Variants in AGRN observed in about 807,000 individuals in gnomAD.
AGRN encodes the protein agrin.
Under a neutral mutation model 211.0 loss-of-function variants are expected in AGRN, and 106 were observed. The ratio of observed to expected loss-of-function variants is 0.50; its 90% CI spans 0.43 to 0.59. The LOEUF is 0.59. Among genes scored for constraint, AGRN ranks in the 20% least tolerant of loss-of-function variants. The pLI is 0.00. For synonymous variants in AGRN, 1,525 were observed against 1,332.5 expected (o/e 1.14, Z -3.15); for missense variants, 3,040 against 2,982.6 (o/e 1.02, Z -0.45).
At chr1:1,036,340 C>T (rs1644804972) in intron 3 of AGRN, among the ~76,000 whole-genome samples, 1 of 152,088 alleles carries the variant, frequency 6.6e-6, no homozygotes, top group Admixed American at 6.5e-5. Context: ...GCTTGGGATG[C>T]TCAGTGGTCT....
chr1:1,043,483 G>T lies in AGRN; in HGVS notation c.1603+26G>T, dbSNP rs765216455. On this transcript the variant is annotated intron_variant, in intron 8 of 35. Coordinates refer to ENST00000379370, the MANE Select transcript of AGRN (RefSeq NM_198576.4). Reference sequence around the variant, plus strand: ...GTCAGTGGCGGGTGAGGGGTCTGGTGGGGGTCGGGGAGAGAGAGGTTCCTG... The same window carrying T: ...GTCAGTGGCGGGTGAGGGGTCTGGTTGGGGTCGGGGAGAGAGAGGTTCCTG... 7 of 1,599,302 alleles carry T rather than the reference G, an allele frequency of 4.4e-6. No individual in the cohort carries two copies. The African/African-American group carries it at 6.7e-5, about 15-fold the overall frequency.
In AGRN at chr1:1,048,807, G is replaced by A. The variant is rs1281937466; in HGVS notation, c.4106-60G>A. On this transcript the variant is annotated intron_variant, in intron 23 of 35. Transcript: ENST00000379370. This position sits in a 1 kb window ranked among gnomAD's most constrained non-coding sequence, Gnocchi z 5.9. ...AAAAAAAAGCAGGGGGCGGTTTCAGGGATAAAAGTGGGGAATCCTCGGAGC... is the reference window on the plus strand; with the variant it reads ...AAAAAAAAGCAGGGGGCGGTTTCAGAGATAAAAGTGGGGAATCCTCGGAGC... The A allele has an allele frequency of 6.2e-6, 9 of 1,455,866 alleles. No individual in the cohort carries two copies. The highest frequency in any genetic ancestry group is 5.9e-5 in the African/African-American group (4 of 67,262). The allele number at this position is 1,455,866 out of a possible 1,614,324, so 90.2% of individuals were successfully genotyped here. A position where few individuals can be genotyped will look rare whatever the true frequency, so the allele number is the denominator to read the frequency against.
intron 2 of AGRN, chr1:1,034,575 C>G: frequency 4.1e-6 from 4 of 986,386 alleles, no homozygotes; most frequent in Non-Finnish European, 4.8e-6. Context: ...CTGCCGCTGG[C>G]GCGGGACACC....
rs1429665905 is a variant in AGRN, at chr1:1,048,096, T to A, written c.3836T>A (p.Leu1279Gln). 7.0e-6 allele frequency: 11 copies of A among 1,570,454 alleles called. No individual in the cohort carries two copies. The highest frequency in any genetic ancestry group is 8.6e-6 in the Non-Finnish European group (10 of 1,165,746). ...GCCAGAGCCACCACTGCATCGCGCC[T>A]GCCGTCCTCTGCTGTGACCCCTCGG... ...ATARATTASR[L>Q]PSSAVTPRAP... The change falls in exon 23 of 36, where the codon CTG (leucine) becomes CAG (glutamine). Residue 1279 changes from leucine (L) to glutamine (Q), a missense_variant. Physicochemically the swap from Leu to Gln is moderately radical, Grantham distance 113. Transcript: ENST00000379370. The surrounding 1 kb of genome is among the most constrained non-coding windows in gnomAD (Gnocchi z 5.9).
At chr1:1,030,569 A>AGTGCATGGTGCTGTGAGATCAGCGTG (rs1644643571) in intron 2 of AGRN, among the ~76,000 whole-genome samples, 1 of 12,702 alleles carries the variant, frequency 7.9e-5, no homozygotes, top group Non-Finnish European at 2.0e-4. Context: ...AGAGATCAGC[A>AGTGCATGGTGCTGTGAGATCAGCGTG]TGTGTGTGTG....
chr1:1,021,297 G>A (rs2100559922), intron 1 of AGRN, among the ~76,000 whole-genome samples: 1 of 152,296 alleles, frequency 6.6e-6, no homozygotes, highest in East Asian at 1.9e-4. Flanking sequence ...GGCTGGGGTG[G>A]GGGAAGGCGA....
At chr1:1,022,061 C>G (rs537081417) in intron 1 of AGRN, 140 bp from the exon 2 acceptor site, 2 of 1,073,988 alleles carry the variant, frequency 1.9e-6, no homozygotes, top group Non-Finnish European at 2.7e-6. Flanking sequence ...TTCCGCCCAG[C>G]GGGCTGACTC....
In AGRN at chr1:1,054,870, C is replaced by T. The variant is rs535807619; in HGVS notation, c.6027C>T (p.Tyr2009=). 100 of 1,556,606 alleles carry T rather than the reference C, an allele frequency of 6.4e-5. No homozygotes were observed. The East Asian group carries it at 1.6e-3, about 25-fold the overall frequency. Reference sequence around the variant, plus strand: ...TGGGCCCAGCACTGCCCAAGGCCTACGGCACAGGCTTTGTGGGCTGCTTGC... The same window carrying T: ...TGGGCCCAGCACTGCCCAAGGCCTATGGCACAGGCTTTGTGGGCTGCTTGC... ...LPVGPALPKA[Y]GTGFVGCLRD... Residue 2009 remains tyrosine (Y), a synonymous_variant, in exon 36 of 36, where the codon TAC becomes TAT. Coordinates refer to ENST00000379370, the MANE Select transcript of AGRN (RefSeq NM_198576.4).
At chr1:1,020,755 C>G (rs529550979) in intron 1 of AGRN, among the ~76,000 whole-genome samples, 139 of 144,974 alleles carry the variant, frequency 9.6e-4, no homozygotes, top group South Asian at 3.0e-3. Context: ...AGAGGCCTTT[C>G]CCGGGGCGAG....
At chr1:1,043,489 C>T (rs762568235) in intron 8 of AGRN, 32 bp downstream of exon 8, 12 of 1,598,882 alleles carry the variant, frequency 7.5e-6, no homozygotes, top group African/African-American at 4.0e-5. Context: ...TGGTGGGGGT[C>T]GGGGAGAGAG....
chr1:1,025,980 G>A (rs1165926698), intron 2 of AGRN, among the ~76,000 whole-genome samples: 1 of 152,064 alleles, frequency 6.6e-6, no homozygotes, highest in Non-Finnish European at 1.5e-5. Flanking sequence ...CCCCTGCCTT[G>A]GCCTGGGGGG....
At chr1:1,053,702 C>A in intron 33 of AGRN, 51 bp from the exon 34 acceptor site, 1 of 1,544,336 alleles carries the variant, frequency 6.5e-7, no homozygotes, top group Non-Finnish European at 8.8e-7. Context: ...CTCCCCCACC[C>A]TGTCCTGTTG....
chr1:1,046,481 C>T lies in AGRN; in HGVS notation c.2996C>T (p.Ala999Val), dbSNP rs1272652643. The change falls in exon 18 of 36, where the codon GCC becomes GTC. Residue 999 changes from alanine (A) to valine (V), a missense_variant. Coordinates refer to ENST00000379370, the MANE Select transcript of AGRN (RefSeq NM_198576.4). ...PGLLLSQALP[A>V]PPGALPLAPS... ...CTCCTCCTGAGCCAGGCACTGCCGG[C>T]CCCCCCCGGCGCCCTCCCCCTGGCT... The T allele has an allele frequency of 1.3e-6, 2 of 1,596,156 alleles. No individual in the cohort carries two copies. The highest frequency in any genetic ancestry group is 2.2e-5 in the East Asian group (1 of 44,602).
rs770304448 is a variant in AGRN, at chr1:1,047,799, G to A, written c.3655G>A (p.Val1219Met). Residue 1219 changes from valine to methionine, a missense_variant, in exon 22 of 36, where the codon GTG (valine) becomes ATG (methionine). Physicochemically the swap from Val to Met is conservative, Grantham distance 21 (BLOSUM62 1). Around this residue, in one of 3 missense-constraint regions of AGRN, gnomAD observed 1,537 missense variants for 1,505.0 expected, o/e 1.02. Coordinates refer to ENST00000379370, the MANE Select transcript of AGRN (RefSeq NM_198576.4). ...AGCCACAGCCTTCAGGGCACCCGAC[G>A]TGGCCCGGGCCCTGCTCCGGCAGAT... ...DPTTAFRAPDVARALLRQIQV... is the reference protein window; with the variant it reads ...DPTTAFRAPDMARALLRQIQV... 18 of 1,604,610 alleles carry A rather than the reference G, an allele frequency of 1.1e-5. No homozygotes were observed. The highest frequency in any genetic ancestry group is 3.4e-5 in the Admixed American group (2 of 58,742).
At position 1,040,886 on chromosome 1, in the gene AGRN, C is replaced by A. The variant is rs571188886; in HGVS notation, c.727+6C>A. 7.4e-7 allele frequency: 1 copy of A among 1,359,258 alleles called. No homozygotes were observed. Among genetic ancestry groups the A allele is most frequent in the East Asian group, 3.1e-5 (1 of 32,152 alleles). The allele number at this position is 1,359,258 out of a possible 1,614,324, so 84.2% of individuals were successfully genotyped here. ...GCTCAGCCGCGGGCCGTGCGGTGAG[C>A]GGGGCGGGGCCGGTGCCTGGGGCGG... is the stretch of plus-strand genomic sequence containing the variant. On this transcript the variant is annotated splice_donor_region_variant and intron_variant, in intron 4 of 35. Coordinates refer to ENST00000379370, the MANE Select transcript of AGRN (RefSeq NM_198576.4).
chr1:1,040,311 C>T (rs1229208469), intron 3 of AGRN, among the ~76,000 whole-genome samples: 1 of 152,202 alleles, frequency 6.6e-6, no homozygotes, highest in Non-Finnish European at 1.5e-5. Context: ...GGCGTCTCTG[C>T]TTTTCGCTGG....
chr1:1,050,896 G>A, intron 30 of AGRN, 59 bp downstream of exon 30: 1 of 1,520,530 alleles, frequency 6.6e-7, no homozygotes, highest in Non-Finnish European at 8.8e-7. Context: ...TCCTCGGGCG[G>A]CAGCCCCGCC....
chr1:1,030,547 C>T lies in AGRN; in HGVS notation c.464-4730C>T, dbSNP rs1484755653. The stretch of plus-strand genomic sequence containing the variant: ...GTGAGATCAGCGTGTGTGTGTGCAG[C>T]GCATGGTGCTGAGAGATCAGCATGT... On this transcript the variant is annotated intron_variant, in intron 2 of 35. Coordinates refer to ENST00000379370, the MANE Select transcript of AGRN (RefSeq NM_198576.4). Among the ~76,000 whole-genome samples, 26 of 90,946 alleles carry T rather than the reference C, an allele frequency of 2.9e-4. 1 individual carries two copies. Among genetic ancestry groups the T allele is most frequent in the Middle Eastern group, 8.8e-3 (1 of 114 alleles). The allele number at this position is 90,946 out of a possible 152,430, so 59.7% of individuals were successfully genotyped here.
intron 7 of AGRN, among the ~76,000 whole-genome samples, chr1:1,042,818 C>G (rs1034590636): frequency 6.6e-6 from 1 of 152,036 alleles, no homozygotes; most frequent in Non-Finnish European, 1.5e-5. Context: ...AGCAAGTGGA[C>G]AGACACCTCC....
Sources: gnomAD v4.1 joint callset for allele counts (sites outside exome capture counted in the v4.1 genomes callset) on GRCh38, gnomAD v4.1.1 for gene constraint, gnomAD v4.1.1 regional missense constraint, Gnocchi (gnomAD v3.1) non-coding constraint, MANE v1.5 for transcripts, NCBI Gene and HGNC (gene_info 2026-07-23, HGNC 2026-07-21) for gene names.